Variants in CCDC125 observed in about 807,000 individuals in gnomAD.
CCDC125 encodes the protein coiled-coil domain containing 125.
Under a neutral mutation model 57.4 loss-of-function variants are expected in CCDC125, and 43 were observed. The ratio of observed to expected loss-of-function variants is 0.75; its 90% confidence interval spans 0.59 to 0.97. The LOEUF is 0.97. Among genes scored for constraint, CCDC125 ranks in the 50% least tolerant of loss-of-function variants. The pLI, the probability that CCDC125 is intolerant of heterozygous loss-of-function variation, is 0.00. For synonymous variants in CCDC125, 187 were observed against 195.2 expected (o/e 0.96, Z 0.35); for missense variants, 563 against 595.7 (o/e 0.95, Z 0.57).
chr5:69,283,715 T>C (rs949070102), intron 11 of CCDC125, among the ~76,000 whole-genome samples: 7 of 150,708 alleles, frequency 4.6e-5, no homozygotes, highest in Non-Finnish European at 1.0e-4. Flanking sequence ...CTCGAACTCC[T>C]GGCCTCAAGT....
chr5:69,315,486 GT>G (rs1758915050), intron 2 of CCDC125, among the ~76,000 whole-genome samples: 7 of 135,714 alleles, frequency 5.2e-5, no homozygotes, highest in South Asian at 2.4e-4. Context: ...GCCAGGTGTG[GT>G]GGCTCACACC....
intron 2 of CCDC125, 24 bp from the exon 3 acceptor site, chr5:69,314,070 C>A (rs1462409267): frequency 1.3e-6 from 2 of 1,520,838 alleles, no homozygotes; most frequent in South Asian, 2.3e-5. Context: ...AGAAAAGAAT[C>A]TATTAGGGGA....
At chr5:69,294,171 A>G (rs540978981) in intron 9 of CCDC125, 1 of 978,248 alleles carries the variant, frequency 1.0e-6, no homozygotes, top group Non-Finnish European at 1.2e-6. Flanking sequence ...TAGTGATTTT[A>G]AGCATAAATG....
chr5:69,312,689 A>G (rs985500642), intron 3 of CCDC125, among the ~76,000 whole-genome samples: 25 of 152,218 alleles, frequency 1.6e-4, no homozygotes, highest in African/African-American at 6.0e-4. Flanking sequence ...GCATGTTTAC[A>G]TAAGTAGCTT....
Position 69,282,092 on chromosome 5 carries a change from A to G in CCDC125, c.*637T>C, listed in dbSNP as rs1162454847. On this transcript the variant is annotated 3_prime_UTR_variant, in exon 12 of 12. Transcript: ENST00000396496. ...TTTTTAGTAGAGATGGGGTTTCTCC[A>G]TGTTGGTCAGACTGGTCTTGAACTC... 6.6e-6 allele frequency: 1 copy of G among 151,986 alleles called. No homozygotes were observed. Among genetic ancestry groups the G allele is most frequent in the Non-Finnish European group, 1.5e-5 (1 of 67,988 alleles). 9.4% of individuals were successfully genotyped at this position (151,986 alleles called of 1,614,324 possible).
rs1429379540 is a variant in CCDC125 at position 69,287,575 on chromosome 5, GT to G, written c.1100-2109del. Among the ~76,000 whole-genome samples the G allele has an allele frequency of 7.6e-4, 109 of 142,788 alleles. 1 individual carries two copies. The highest frequency in any genetic ancestry group is 2.6e-3 in the East Asian group (13 of 4,940). 93.7% of individuals were successfully genotyped at this position (142,788 alleles called of 152,430 possible). On this transcript the variant is annotated intron_variant, in intron 10 of 11. Coordinates refer to ENST00000396496, the MANE Select transcript of CCDC125 (RefSeq NM_176816.5). The stretch of plus-strand genomic sequence containing the variant: ...TGCACCCGGCCATCAGTTTTTGGTG[GT>G]TTTTTTTTTTTGAGACAGGGTCTTG...
downstream of CCDC125, chr5:69,277,045 G>A (rs1752224132): frequency 1.4e-6 from 2 of 1,404,584 alleles, no homozygotes; most frequent in Non-Finnish European, 9.8e-7. Flanking sequence ...AAATTGCTAT[G>A]AGAATGTGAA....
intron 8 of CCDC125, among the ~76,000 whole-genome samples, chr5:69,298,563 G>A (rs186352982): frequency 3.9e-5 from 6 of 152,036 alleles, no homozygotes; most frequent in African/African-American, 1.2e-4. Context: ...CCATGCCTAG[G>A]TTGCCAAAAG....
At chr5:69,277,901 C>G (rs530179834), downstream of CCDC125, among the ~76,000 whole-genome samples, 1 of 152,016 alleles carries the variant, frequency 6.6e-6, no homozygotes, top group East Asian at 1.9e-4. Context: ...TTTTCTGAGG[C>G]GGGGGACAAA....
intron 10 of CCDC125, among the ~76,000 whole-genome samples, chr5:69,288,676 T>C (rs540397126): frequency 6.6e-6 from 1 of 152,310 alleles, no homozygotes; most frequent in Non-Finnish European, 1.5e-5. Flanking sequence ...GAGGGCGTCA[T>C]GGGAGTCCCA....
In CCDC125 at chr5:69,307,943, C is replaced by G; in HGVS notation, c.531+8G>C. 6.2e-7 allele frequency: 1 copy of G among 1,608,510 alleles called. No individual in the cohort carries two copies. The highest frequency in any genetic ancestry group is 8.5e-7 in the Non-Finnish European group (1 of 1,174,970). On this transcript the variant is annotated splice_region_variant and intron_variant, in intron 5 of 11. Transcript: ENST00000396496. Reference sequence around the variant, plus strand: ...ATTCAATAAGTCTACACTAAAAGCACCAAATACCTTCTCCAAGGATCTGTT... The same window carrying G: ...ATTCAATAAGTCTACACTAAAAGCAGCAAATACCTTCTCCAAGGATCTGTT...
chr5:69,323,184 C>T (rs1054897303), intron 1 of CCDC125, among the ~76,000 whole-genome samples: 1 of 151,324 alleles, frequency 6.6e-6, no homozygotes, highest in African/African-American at 2.4e-5. Flanking sequence ...TGGCGTGTGC[C>T]TGTAATCTCA....
intron 1 of CCDC125, among the ~76,000 whole-genome samples, chr5:69,324,714 C>CA (rs1760505108): frequency 6.6e-6 from 1 of 152,162 alleles, no homozygotes; most frequent in South Asian, 2.1e-4. Context: ...ATTACGCTAA[C>CA]AAAAAAGCAC....
At chr5:69,316,000 T>A (rs567251068) in intron 2 of CCDC125, among the ~76,000 whole-genome samples, 9 of 149,032 alleles carry the variant, frequency 6.0e-5, no homozygotes, top group East Asian at 4.0e-4. Context: ...AAAAAAAAAA[T>A]TTTATTGAGA....
the CCDC125 span, among the ~76,000 whole-genome samples, chr5:69,273,554 A>C: frequency 6.6e-6 from 1 of 152,186 alleles, no homozygotes; most frequent in Non-Finnish European, 1.5e-5. Flanking sequence ...TGCTTACAAA[A>C]GCTTGAAAAA....
chr5:69,273,740 CAT>C, the CCDC125 span, among the ~76,000 whole-genome samples: 2 of 152,160 alleles, frequency 1.3e-5, no homozygotes, highest in East Asian at 3.8e-4. Context: ...TTTATGGAAA[CAT>C]ATTAATGTAC....
Position 69,314,964 on chromosome 5 carries a change from A to C in CCDC125, c.305-918T>G, listed in dbSNP as rs913767036. ...TGATGTAGTGGTATAAATATGTAAG[A>C]AATAACTTTGGCCAGGCACAGTGGC... On this transcript the variant is annotated intron_variant, in intron 2 of 11. Coordinates refer to ENST00000396496, the MANE Select transcript of CCDC125 (RefSeq NM_176816.5). Among the ~76,000 whole-genome samples the C allele has an allele frequency of 3.9e-5, 6 of 152,282 alleles. No individual in the cohort carries two copies. In the South Asian group the frequency reaches 1.2e-3, roughly 32 times the overall value.
At chr5:69,327,311 G>T (rs1354535241) in intron 1 of CCDC125, among the ~76,000 whole-genome samples, 1 of 151,950 alleles carries the variant, frequency 6.6e-6, no homozygotes. Flanking sequence ...AGCCAGGATG[G>T]TCTCGATCTC....
At position 69,326,180 on chromosome 5, in the gene CCDC125, A is replaced by G. The variant is rs535706705; in HGVS notation, c.-40-5600T>C. ...CCAGATATCTGATGTCAGAGCCAAC[A>G]CTCTTAGCCACTGTTTTGTATTATT... On this transcript the variant is annotated intron_variant, in intron 1 of 11. Coordinates refer to ENST00000396496, the MANE Select transcript of CCDC125 (RefSeq NM_176816.5). Among the ~76,000 whole-genome samples the G allele has an allele frequency of 5.3e-5, 8 of 152,126 alleles. No individual in the cohort carries two copies. The East Asian group carries it at 1.5e-3, about 29-fold the overall frequency.
Sources: allele counts gnomAD v4.1 joint callset (sites outside exome capture counted in the v4.1 genomes callset), GRCh38; gene constraint gnomAD v4.1.1; transcripts MANE v1.5; gene names NCBI Gene and HGNC (gene_info 2026-07-23, HGNC 2026-07-21).